The following FSCN3 variants were observed in gnomAD, a reference collection of about 807,000 sequenced individuals.
FSCN3 encodes the protein fascin-3.
In FSCN3, 43 loss-of-function variants were observed where a neutral mutation model predicts 53.5. That is an observed-to-expected ratio of 0.80 (90% CI 0.63 to 1.04). The LOEUF is 1.04. FSCN3 is among the 50% of genes least tolerant of loss of function. FSCN3 has a pLI of 0.00. For missense variants in FSCN3, 594 were observed against 646.5 expected (o/e 0.92, Z 0.88); for synonymous variants, 235 against 246.6 (o/e 0.95, Z 0.44).
chr7:127,596,248 G>A, intron 2 of FSCN3, 80 bp from the exon 3 acceptor site: 1 of 1,538,460 alleles, frequency 6.5e-7, no homozygotes, highest in East Asian at 2.3e-5. Flanking sequence ...AGGAGGGAGG[G>A]ACAGAAGCCC....
intron 1 of FSCN3, chr7:127,595,053 G>A (rs1194729585): frequency 1.7e-6 from 1 of 583,472 alleles, no homozygotes; most frequent in African/African-American, 1.9e-5. Flanking sequence ...AGCTGAAGGA[G>A]GTAGACATCT....
chr7:127,594,665 A>C, intron 1 of FSCN3: 1 of 471,086 alleles, frequency 2.1e-6, no homozygotes. Flanking sequence ...TGGTTTGAGA[A>C]TGGGGAACTC....
chr7:127,601,827 A>G lies in FSCN3; in HGVS notation c.*205A>G, dbSNP rs891021869. The G allele has an allele frequency of 6.6e-6, 1 of 152,130 alleles. No individual in the cohort carries two copies. The highest frequency in any genetic ancestry group is 2.4e-5 in the African/African-American group (1 of 41,436). The allele number at this position is 152,130 out of a possible 1,614,324, so 9.4% of individuals were successfully genotyped here. ...CTTGTGTGCATCTGACTCAATATAG[A>G]ATAGGGGTCTGGATGAGGGTTGAAA... is the stretch of plus-strand genomic sequence containing the variant. On this transcript the variant is annotated 3_prime_UTR_variant, in exon 7 of 7. Coordinates refer to ENST00000265825, the MANE Select transcript of FSCN3 (RefSeq NM_020369.3).
rs760256748 is a variant in FSCN3, at chr7:127,595,946, TGCCCAACCTGGGTCA to T, written c.788_802del (p.Pro263_Ser267del). 6.3e-7 allele frequency: 1 copy of T among 1,591,648 alleles called. No individual in the cohort carries two copies. The highest frequency in any genetic ancestry group is 8.6e-7 in the Non-Finnish European group (1 of 1,167,934). ...TGAGGAGTGGTTCATCCTACAGCAC[TGCCCAACCTGGGTCA>T]GCCTCAGGTCAAAGACTGGGCGGTT... On this transcript the variant is annotated inframe_deletion, in exon 2 of 7. Transcript: ENST00000265825.
intron 3 of FSCN3, chr7:127,596,705 GTATAT>G (rs1164198219): frequency 4.6e-6 from 1 of 215,650 alleles, no homozygotes; most frequent in Non-Finnish European, 8.9e-6. Flanking sequence ...TTACAAATAA[GTATAT>G]TATGTATGTT....
rs1794379849 is a variant in FSCN3 at position 127,595,837 on chromosome 7, G to A, written c.675G>A (p.Val225=). 5 of 1,613,586 alleles carry A rather than the reference G, an allele frequency of 3.1e-6. No homozygotes were observed. Among genetic ancestry groups the A allele is most frequent in the African/African-American group, 2.7e-5 (2 of 74,928 alleles). The change falls in exon 2 of 7, where the codon GTG becomes GTA. Residue 225 remains valine (V), a synonymous_variant. Coordinates refer to ENST00000265825, the MANE Select transcript of FSCN3 (RefSeq NM_020369.3). ...TGCAAGTGCGGCCTGGAGGGCTTGT[G>A]GCACTGTGTGATGGAGAAGGAGGCA... The part of the protein sequence containing the change: ...FHMQVRPGGL[V]ALCDGEGGML...
Position 127,598,493 on chromosome 7 carries a change from G to A in FSCN3, c.1019G>A (p.Arg340Gln), listed in dbSNP as rs779783990. ...CCCCTGGAGTCTGACACGTTCTTCC[G>A]AATGCACTGGAACTGTGGCAGGATC... ...GHPLESDTFF[R>Q]MHWNCGRIIL... is the part of the protein sequence containing the mutation. The change falls in exon 4 of 7, where the codon CGA (arginine) becomes CAA (glutamine). Residue 340 changes from arginine to glutamine, a missense_variant. By Grantham distance (43) the Arg-to-Gln change is conservative (BLOSUM62 1). Coordinates refer to ENST00000265825, the MANE Select transcript of FSCN3 (RefSeq NM_020369.3). 18 of 1,613,994 alleles carry A rather than the reference G, an allele frequency of 1.1e-5. No individual in the cohort carries two copies. Among genetic ancestry groups the A allele is most frequent in the Admixed American group, 5.0e-5 (3 of 60,016 alleles).
At position 127,596,328 on chromosome 7, in the gene FSCN3, A is replaced by G; in HGVS notation, c.842A>G (p.Asp281Gly). The G allele has an allele frequency of 1.2e-6, 2 of 1,602,938 alleles. No homozygotes were observed. The highest frequency in any genetic ancestry group is 1.1e-5 in the South Asian group (1 of 90,836). Residue 281 changes from aspartate (D) to glycine (G), a missense_variant and splice_region_variant, in exon 3 of 7, where the codon GAT (aspartate) becomes GGT (glycine). By Grantham distance (94) the Asp-to-Gly change is moderately conservative. Transcript: ENST00000265825. ...TTACTGACATGCGCTTCCTCTGCAGATGGTGAGGTGCGTGCTGCTTCTGAG... is the reference window on the plus strand; with the variant it reads ...TTACTGACATGCGCTTCCTCTGCAGGTGGTGAGGTGCGTGCTGCTTCTGAG... ...KTGRFISVIYDGEVRAASERL... is the reference protein window; with the variant it reads ...KTGRFISVIYGGEVRAASERL...
Position 127,595,454 on chromosome 7 carries a change from C to T in FSCN3, c.292C>T (p.Arg98Cys), listed in dbSNP as rs551537439. 11 of 1,614,168 alleles carry T rather than the reference C, an allele frequency of 6.8e-6. No homozygotes were observed. The highest frequency in any genetic ancestry group is 5.3e-5 in the African/African-American group (4 of 75,046). ...CAGCCACCATGGGTGCTTTCTACTG[C>T]GTTTCCACCGGAACAGCAAGTGGAC... is the stretch of plus-strand genomic sequence containing the variant. ...RTSHHGCFLL[R>C]FHRNSKWTLQ... Residue 98 changes from arginine (R) to cysteine (C), a missense_variant, in exon 2 of 7, where the codon CGT (arginine) becomes TGT (cysteine). By Grantham distance (180) the Arg-to-Cys change is radical. Coordinates refer to ENST00000265825, the MANE Select transcript of FSCN3 (RefSeq NM_020369.3).
chr7:127,596,920 G>A (rs993930757), intron 3 of FSCN3, among the ~76,000 whole-genome samples: 2 of 152,172 alleles, frequency 1.3e-5, no homozygotes, highest in African/African-American at 2.4e-5. Flanking sequence ...TTCTGTCTCC[G>A]TGAATTAGAT....
intron 6 of FSCN3, 89 bp downstream of exon 6, chr7:127,600,488 A>G: frequency 1.3e-6 from 1 of 749,120 alleles, no homozygotes; most frequent in Non-Finnish European, 2.4e-6. Context: ...ATGTGATGGG[A>G]AGACCAAAAT....
At chr7:127,601,237 T>C (rs974224840) in intron 6 of FSCN3, among the ~76,000 whole-genome samples, 3 of 152,234 alleles carry the variant, frequency 2.0e-5, no homozygotes, top group Non-Finnish European at 4.4e-5. Flanking sequence ...CTGCCAGATC[T>C]GTCCATCCAA....
chr7:127,595,007 T>A lies in FSCN3; in HGVS notation c.145-300T>A, dbSNP rs1273728763. 6 of 520,576 alleles carry A rather than the reference T, an allele frequency of 1.2e-5. No homozygotes were observed. In the Admixed American group the frequency reaches 1.5e-4, roughly 13 times the overall value. 32.2% of individuals were successfully genotyped at this position (520,576 alleles called of 1,614,324 possible). On this transcript the variant is annotated intron_variant, in intron 1 of 6. Coordinates refer to ENST00000265825, the MANE Select transcript of FSCN3 (RefSeq NM_020369.3). ...TCTTTAAAAATTAGGTATTGAAGAG[T>A]GGGATTAAGAAAGGAGGGAGGGTTT... is the stretch of plus-strand genomic sequence containing the variant.
In FSCN3 at chr7:127,599,972, C is replaced by T. The variant is rs1794448257; in HGVS notation, c.1292-222C>T. 5.3e-5 allele frequency among the ~76,000 whole-genome samples: 8 copies of T among 151,716 alleles called. No individual in the cohort carries two copies. The South Asian group carries it at 1.7e-3, about 32-fold the overall frequency. On this transcript the variant is annotated intron_variant, in intron 5 of 6. Transcript: ENST00000265825. ...AAAAAAAAAAAAAGGAAAAACAGGA[C>T]CTCTGTTGTTTTCACACTTCAAAGC... is the stretch of plus-strand genomic sequence containing the variant.
At position 127,600,299 on chromosome 7, in the gene FSCN3, C is replaced by T; in HGVS notation, c.1397C>T (p.Thr466Ile). The T allele has an allele frequency of 2.5e-6, 4 of 1,611,002 alleles. No homozygotes were observed. Among genetic ancestry groups the T allele is most frequent in the Non-Finnish European group, 3.4e-6 (4 of 1,177,052 alleles). ...CIELQGSNLL[T>I]VLAPNGFYMR... ...GAGCTTCAGGGGAGCAACTTACTCA[C>T]TGTACTGGCCCCCAATGGCTTCTAC... Residue 466 changes from threonine to isoleucine, a missense_variant, in exon 6 of 7, where the codon ACT becomes ATT. Physicochemically the swap from Thr to Ile is moderately conservative, Grantham distance 89. Transcript: ENST00000265825.
intron 5 of FSCN3, 60 bp from the exon 6 acceptor site, chr7:127,600,134 C>A: frequency 1.1e-6 from 1 of 916,454 alleles, no homozygotes; most frequent in Non-Finnish European, 1.8e-6. Flanking sequence ...CCCTCCAAGG[C>A]CAGATCGCTG....
Position 127,595,793 on chromosome 7 carries a change from T to A in FSCN3, c.631T>A (p.Ser211Thr). 1.9e-6 allele frequency: 3 copies of A among 1,613,740 alleles called. No individual in the cohort carries two copies. Among genetic ancestry groups the A allele is most frequent in the Non-Finnish European group, 2.5e-6 (3 of 1,179,754 alleles). ...AGACCGGCTGTTCTCCCAACCCTCATCACAGACAGCTTTTCACATGCAAGT... is the reference window on the plus strand; with the variant it reads ...AGACCGGCTGTTCTCCCAACCCTCAACACAGACAGCTTTTCACATGCAAGT... ...HVDRLFSQPS[S>T]QTAFHMQVRP... The change falls in exon 2 of 7, where the codon TCA becomes ACA. Residue 211 changes from serine (S) to threonine (T), a missense_variant. By Grantham distance (58) the Ser-to-Thr change is moderately conservative. Transcript: ENST00000265825.
chr7:127,594,538 G>A (rs1162513603), intron 1 of FSCN3: 4 of 470,954 alleles, frequency 8.5e-6, no homozygotes, highest in African/African-American at 4.0e-5. Context: ...AGAGCACAGG[G>A]TGGTTGTGTC....
chr7:127,594,248 CTG>C (rs368223947), intron 1 of FSCN3, among the ~76,000 whole-genome samples: 40 of 98,940 alleles, frequency 4.0e-4, no homozygotes, highest in South Asian at 7.5e-4. Flanking sequence ...AGTGGCCAAG[CTG>C]TGTGTGTGTG....
Sources: allele counts gnomAD v4.1 joint callset (sites outside exome capture counted in the v4.1 genomes callset), GRCh38; gene constraint gnomAD v4.1.1; transcripts MANE v1.5; gene names NCBI Gene and HGNC (gene_info 2026-07-23, HGNC 2026-07-21).